Variants in TAFA4 observed in about 807,000 individuals in gnomAD.
The protein encoded by TAFA4 is chemokine-like protein TAFA-4.
In TAFA4, 20 loss-of-function variants were observed where a neutral mutation model predicts 21.1. The observed-to-expected ratio is 0.95, with a 90% CI of 0.67 to 1.38. The LOEUF is 1.38. Ranked by LOEUF, TAFA4 falls within the 40% of genes most tolerant of loss-of-function variation. TAFA4 has a pLI of 0.00. For synonymous variants in TAFA4, 71 were observed against 67.4 expected, an observed-to-expected ratio of 1.05 and a Z score of -0.26; for missense variants, 211 against 180.9, an observed-to-expected ratio of 1.17 and a Z score of -0.95.
intron 3 of TAFA4, among the ~76,000 whole-genome samples, chr3:68,820,096 T>G (rs1369967008): frequency 6.6e-6 from 1 of 152,186 alleles, no homozygotes; most frequent in Non-Finnish European, 1.5e-5. Flanking sequence ...TGCAATACTA[T>G]TCAGCCTTAC....
chr3:68,770,574 T>C (rs1272712654), intron 3 of TAFA4, among the ~76,000 whole-genome samples: 2 of 152,062 alleles, frequency 1.3e-5, no homozygotes, highest in African/African-American at 4.8e-5. Flanking sequence ...CCTAGAAATA[T>C]ACAAGGAATT....
chr3:68,746,419 G>C (rs922512057), intron 4 of TAFA4, among the ~76,000 whole-genome samples: 1 of 152,082 alleles, frequency 6.6e-6, no homozygotes, highest in African/African-American at 2.4e-5. Context: ...AAAAATGTAT[G>C]TTTCTACTGC....
chr3:68,747,777 CATA>C (rs1418299972), intron 4 of TAFA4, among the ~76,000 whole-genome samples: 1 of 152,144 alleles, frequency 6.6e-6, no homozygotes, highest in East Asian at 1.9e-4. Flanking sequence ...AAACTTTGTT[CATA>C]ATACTTCATA....
intron 3 of TAFA4, among the ~76,000 whole-genome samples, chr3:68,785,335 C>T (rs931119281): frequency 6.6e-6 from 1 of 152,224 alleles, no homozygotes; most frequent in Non-Finnish European, 1.5e-5. Flanking sequence ...CTTGGGTGGT[C>T]GATGGGACTG....
intron 3 of TAFA4, among the ~76,000 whole-genome samples, chr3:68,796,522 G>C (rs149400211): frequency 6.6e-6 from 1 of 152,120 alleles, no homozygotes; most frequent in African/African-American, 2.4e-5. Flanking sequence ...CTAAATGTAA[G>C]ACCTAAAACT....
At chr3:68,761,925 T>C (rs35531953) in intron 3 of TAFA4, among the ~76,000 whole-genome samples, 29,325 of 152,022 alleles carry the variant, frequency 0.19, 4,717 homozygotes, top group African/African-American at 0.42. Context: ...TGAACAAGAA[T>C]GGAGTCGTCC....
intron 3 of TAFA4, among the ~76,000 whole-genome samples, chr3:68,827,647 C>G (rs1334093237): frequency 6.6e-6 from 1 of 152,214 alleles, no homozygotes; most frequent in Non-Finnish European, 1.5e-5. Flanking sequence ...TGATGATGAG[C>G]CTTTTTTCAT....
chr3:68,841,064 A>ACACACATTCTCCACAAAACT (rs1704650306), intron 3 of TAFA4, among the ~76,000 whole-genome samples: 19 of 135,796 alleles, frequency 1.4e-4, no homozygotes, highest in South Asian at 2.4e-4. Flanking sequence ...AATAAAATCC[A>ACACACATTCTCCACAAAACT]TGTAATCCCA....
chr3:68,922,538 A>G (rs768020772), intron 1 of TAFA4, among the ~76,000 whole-genome samples: 23 of 152,252 alleles, frequency 1.5e-4, no homozygotes, highest in South Asian at 8.3e-4. Context: ...GTAAATGAGG[A>G]TCATGAAACT....
At chr3:68,902,174 GGTGAT>G (rs1253007004) in intron 1 of TAFA4, among the ~76,000 whole-genome samples, 3 of 152,172 alleles carry the variant, frequency 2.0e-5, no homozygotes, top group Non-Finnish European at 2.9e-5. Flanking sequence ...GAGGCAGAGA[GGTGAT>G]GTGATTTGTC....
chr3:68,795,746 C>G (rs916911756), intron 3 of TAFA4, among the ~76,000 whole-genome samples: 2 of 152,138 alleles, frequency 1.3e-5, no homozygotes, highest in African/African-American at 4.8e-5. Context: ...CCATGTTTTC[C>G]TGGATGGTGT....
chr3:68,827,710 C>G lies in TAFA4; in HGVS notation c.130+53020G>C, dbSNP rs555353189. Among the ~76,000 whole-genome samples, 281 of 152,254 alleles carry G rather than the reference C, an allele frequency of 1.8e-3. 2 individuals carry two copies. The highest frequency in any genetic ancestry group is 6.5e-3 in the African/African-American group (270 of 41,558). On this transcript the variant is annotated intron_variant, in intron 3 of 5. Coordinates refer to ENST00000295569, the MANE Select transcript of TAFA4 (RefSeq NM_182522.5). The stretch of plus-strand genomic sequence containing the variant: ...TTTTGAAAAGTGTCTGTTCATATCC[C>G]TTGCCCACTTTTTAACGGGGTTGTT...
chr3:68,797,494 GAC>G (rs1326833768), intron 3 of TAFA4, among the ~76,000 whole-genome samples: 2 of 151,342 alleles, frequency 1.3e-5, no homozygotes, highest in Non-Finnish European at 2.9e-5. Flanking sequence ...ACACCTGTAG[GAC>G]CAGCTACTTG....
At chr3:68,803,273 C>T (rs1284089210) in intron 3 of TAFA4, among the ~76,000 whole-genome samples, 2 of 152,098 alleles carry the variant, frequency 1.3e-5, no homozygotes, top group Non-Finnish European at 2.9e-5. Context: ...AGAACAATTC[C>T]TCTTTCTTTG....
chr3:68,918,399 T>C (rs1049944174), intron 1 of TAFA4, among the ~76,000 whole-genome samples: 1 of 152,230 alleles, frequency 6.6e-6, no homozygotes, highest in African/African-American at 2.4e-5. Flanking sequence ...GGGAATCTTA[T>C]CCATCTTCTG....
At chr3:68,779,940 G>A (rs968128917) in intron 3 of TAFA4, among the ~76,000 whole-genome samples, 2 of 152,190 alleles carry the variant, frequency 1.3e-5, no homozygotes, top group South Asian at 2.1e-4. Context: ...CATGAAAGCA[G>A]CTGAGAGGAG....
intron 3 of TAFA4, among the ~76,000 whole-genome samples, chr3:68,853,204 C>A (rs1308880503): frequency 6.6e-6 from 1 of 151,610 alleles, no homozygotes; most frequent in Non-Finnish European, 1.5e-5. Context: ...GCTTTAATTA[C>A]TATTATTATC....
intron 4 of TAFA4, among the ~76,000 whole-genome samples, chr3:68,745,959 G>C (rs1170696351): frequency 2.0e-5 from 3 of 152,172 alleles, no homozygotes; most frequent in Non-Finnish European, 4.4e-5. Flanking sequence ...ATTTGAGTTA[G>C]TAGACAAGGA....
At chr3:68,797,540 G>A (rs1332045698) in intron 3 of TAFA4, among the ~76,000 whole-genome samples, 3 of 150,154 alleles carry the variant, frequency 2.0e-5, no homozygotes, top group African/African-American at 7.4e-5. Context: ...TTGAACCTGG[G>A]AGACAGAGGT....
Sources: allele counts gnomAD v4.1 joint callset (sites outside exome capture counted in the v4.1 genomes callset), GRCh38; gene constraint gnomAD v4.1.1; transcripts MANE v1.5; gene names NCBI Gene and HGNC (gene_info 2026-07-23, HGNC 2026-07-21).